Variants in KDSR observed in about 807,000 individuals in gnomAD.
KDSR encodes 3-dehydrosphinganine reductase.
Under a neutral mutation model 41.3 loss-of-function variants are expected in KDSR, and 23 were observed. That is an observed-to-expected ratio of 0.56 (90% CI 0.40 to 0.79). KDSR has a LOEUF of 0.79. KDSR is among the 30% of genes least tolerant of loss of function. The pLI is 0.00. For synonymous variants in KDSR, 138 were observed against 151.7 expected (o/e 0.91, Z 0.66); for missense variants, 351 against 416.8 (o/e 0.84, Z 1.37).
chr18:63,343,280 G>A (rs916460603), intron 7 of KDSR, among the ~76,000 whole-genome samples: 3 of 151,584 alleles, frequency 2.0e-5, no homozygotes, highest in East Asian at 1.9e-4. Context: ...GGCTGGTCTC[G>A]AACTCCTGGG....
In KDSR at chr18:63,329,803, C is replaced by T. The variant is rs550986663; in HGVS notation, c.*1979G>A. On this transcript the variant is annotated 3_prime_UTR_variant, in exon 10 of 10. Transcript: ENST00000645214. ...ATCAGCAGTAGAAGGTGCCAACATT[C>T]GAGGAACATTTATGAGAAAAGAATA... 5 of 194,276 alleles carry T rather than the reference C, an allele frequency of 2.6e-5. No homozygotes were observed. The highest frequency in any genetic ancestry group is 1.9e-4 in the South Asian group (1 of 5,170). The allele number at this position is 194,276 out of a possible 1,614,324, so 12.0% of individuals were successfully genotyped here. A position where few individuals can be genotyped will look rare whatever the true frequency, so the allele number is the denominator to read the frequency against.
intron 6 of KDSR, among the ~76,000 whole-genome samples, chr18:63,349,414 A>G (rs1914601214): frequency 6.6e-6 from 1 of 152,194 alleles, no homozygotes; most frequent in Non-Finnish European, 1.5e-5. Context: ...AAATAAATAA[A>G]ACAGTTATTC....
At chr18:63,365,029 C>G (rs887371963) in intron 1 of KDSR, among the ~76,000 whole-genome samples, 1 of 152,210 alleles carries the variant, frequency 6.6e-6, no homozygotes, top group African/African-American at 2.4e-5. Flanking sequence ...ATGCACCTAC[C>G]TCTATGGGAC....
Position 63,343,745 on chromosome 18 carries a change from T to TAA in KDSR, c.693+663_693+664dup, listed in dbSNP as rs35026156. Reference sequence around the variant, plus strand: ...AAGTCAATAAATAATTTCTAAATCTTAAAAAAAAAAAAAGCAGTATAAACA... The same window carrying TAA: ...AAGTCAATAAATAATTTCTAAATCTTAAAAAAAAAAAAAAAGCAGTATAAACA... On this transcript the variant is annotated intron_variant, in intron 7 of 9. Coordinates refer to ENST00000645214, the MANE Select transcript of KDSR (RefSeq NM_002035.4). 3.2e-3 allele frequency among the ~76,000 whole-genome samples: 458 copies of TAA among 143,976 alleles called. 1 individual carries two copies. Among genetic ancestry groups the TAA allele is most frequent in the African/African-American group, 0.01 (395 of 39,234 alleles). 94.5% of individuals were successfully genotyped at this position (143,976 alleles called of 152,430 possible).
intron 3 of KDSR, among the ~76,000 whole-genome samples, chr18:63,359,238 C>G (rs1914894509): frequency 1.4e-5 from 2 of 143,154 alleles, no homozygotes; most frequent in South Asian, 4.6e-4. Context: ...AGGATTAACA[C>G]CAAAAATCGG....
At chr18:63,350,139 C>CG (rs1371695704) in intron 6 of KDSR, among the ~76,000 whole-genome samples, 1 of 152,142 alleles carries the variant, frequency 6.6e-6, no homozygotes, top group Non-Finnish European at 1.5e-5. Flanking sequence ...TTTCCCTTGC[C>CG]TTTTTCAGCA....
intron 3 of KDSR, among the ~76,000 whole-genome samples, chr18:63,358,044 C>T (rs1286677055): frequency 5.3e-5 from 8 of 152,070 alleles, no homozygotes; most frequent in South Asian, 2.1e-4. Flanking sequence ...GGCGTAGTGA[C>T]GCGCGCCTGT....
At chr18:63,364,379 A>C (rs1322879467) in intron 1 of KDSR, among the ~76,000 whole-genome samples, 2 of 152,022 alleles carry the variant, frequency 1.3e-5, no homozygotes, top group African/African-American at 2.4e-5. Context: ...TATTCCTAGC[A>C]CTTAGCCTGG....
At chr18:63,335,901 G>A (rs1914140933) in intron 8 of KDSR, 2 of 152,554 alleles carry the variant, frequency 1.3e-5, no homozygotes, top group African/African-American at 4.8e-5. Flanking sequence ...TGTGACAAAT[G>A]AGAATGCGCC....
chr18:63,343,297 C>A (rs993241118), intron 7 of KDSR, among the ~76,000 whole-genome samples: 2 of 150,802 alleles, frequency 1.3e-5, no homozygotes, highest in African/African-American at 4.9e-5. Flanking sequence ...TGGGCTCAAT[C>A]AATCCTCCTG....
At chr18:63,355,333 CAG>C in intron 4 of KDSR, 34 bp from the exon 5 acceptor site, 11 of 1,606,318 alleles carry the variant, frequency 6.8e-6, no homozygotes, top group African/African-American at 1.3e-5. Flanking sequence ...CATTAAGAAA[CAG>C]AGAAGAAAAA....
chr18:63,333,323 C>T (rs1411457609), intron 9 of KDSR, among the ~76,000 whole-genome samples: 2 of 152,158 alleles, frequency 1.3e-5, no homozygotes, highest in African/African-American at 2.4e-5. Context: ...TGAGCTCAAG[C>T]GATCCTCCTG....
At chr18:63,357,594 A>T (rs57423214) in intron 3 of KDSR, among the ~76,000 whole-genome samples, 94,265 of 120,722 alleles carry the variant, frequency 0.78, 37,212 homozygotes, top group East Asian at 0.93. Context: ...ATATATATAT[A>T]TTTTTTTTTG....
rs1914769688 is a variant in KDSR, at chr18:63,355,481, T to G, written c.321+17A>C. On this transcript the variant is annotated intron_variant, in intron 4 of 9. Coordinates refer to ENST00000645214, the MANE Select transcript of KDSR (RefSeq NM_002035.4). ...AGTCAAGCACATTGGTGAATTCCAA[T>G]TAGCCCAACCTCTTACTTGTTTTAT... 1.2e-6 allele frequency: 2 copies of G among 1,613,670 alleles called. No individual in the cohort carries two copies. Among genetic ancestry groups the G allele is most frequent in the Middle Eastern group, 1.7e-4 (1 of 6,060 alleles).
chr18:63,351,143 G>GT, intron 5 of KDSR, 64 bp from the exon 6 acceptor site: 4 of 1,366,418 alleles, frequency 2.9e-6, no homozygotes, highest in Non-Finnish European at 4.0e-6. Context: ...GGAGAATTTA[G>GT]TCTGCTTTCT....
intron 7 of KDSR, among the ~76,000 whole-genome samples, chr18:63,342,957 G>A (rs1914388701): frequency 6.6e-6 from 1 of 152,094 alleles, no homozygotes. Context: ...ACGAGATCTG[G>A]TTGTTTAAAA....
chr18:63,351,673 G>GA (rs1428595707), intron 5 of KDSR, among the ~76,000 whole-genome samples: 1 of 152,190 alleles, frequency 6.6e-6, no homozygotes, highest in Admixed American at 6.5e-5. Context: ...CACAGTCCTG[G>GA]ACCTCAAGAA....
At chr18:63,331,959 A>G in intron 9 of KDSR, 58 bp from the exon 10 acceptor site, 1 of 1,562,504 alleles carries the variant, frequency 6.4e-7, no homozygotes, top group Non-Finnish European at 8.7e-7. Context: ...ATTTCAAGGT[A>G]CCTAGGTCTC....
In KDSR at chr18:63,331,302, CAGAG is replaced by C. The variant is rs1913985501; in HGVS notation, c.*476_*479del. 1 of 218,410 alleles carries C rather than the reference CAGAG, an allele frequency of 4.6e-6. No individual in the cohort carries two copies. Among genetic ancestry groups the C allele is most frequent in the East Asian group, 6.2e-5 (1 of 16,170 alleles). The allele number at this position is 218,410 out of a possible 1,614,324, so 13.5% of individuals were successfully genotyped here. Reference sequence around the variant, plus strand: ...AGAGAGAGACAGAGAGACAGAGAGACAGAGAGACAGAGAGACAGAGAGACAGAGA... The same window carrying C: ...AGAGAGAGACAGAGAGACAGAGAGACAGACAGAGAGACAGAGAGACAGAGA... On this transcript the variant is annotated 3_prime_UTR_variant, in exon 10 of 10. Transcript: ENST00000645214.
Sources: allele counts gnomAD v4.1 joint callset (sites outside exome capture counted in the v4.1 genomes callset), GRCh38; gene constraint gnomAD v4.1.1; transcripts MANE v1.5; gene names NCBI Gene and HGNC (gene_info 2026-07-23, HGNC 2026-07-21).